The following PTCH1 variants were observed in gnomAD, a reference collection of about 807,000 sequenced individuals.
PTCH1 encodes patched 1, also known as protein patched homolog 1.
A neutral mutation model predicts 144.6 loss-of-function variants in PTCH1; 14 were observed. The ratio of observed to expected loss-of-function variants is 0.10; its 90% CI spans 0.06 to 0.15. PTCH1 has a LOEUF of 0.15. Among genes scored for constraint, PTCH1 ranks in the 10% least tolerant of loss-of-function variants. The pLI is 1.00. For synonymous variants in PTCH1, 833 were observed against 793.6 expected (o/e 1.05, Z -0.83); for missense variants, 1,623 against 1,948.3 (o/e 0.83, Z 3.14).
At chr9:95,483,235 C>G (rs1053161188) in intron 3 of PTCH1, 3 of 151,788 alleles carry the variant, frequency 2.0e-5, no homozygotes, top group African/African-American at 7.3e-5. Flanking sequence ...CCACTGCACT[C>G]CAGCCTAGAT....
rs906063270 is a variant in PTCH1 at position 95,509,171 on chromosome 9, C to T, written c.-810G>A. On this transcript the variant is annotated 5_prime_UTR_variant, in exon 1 of 24. Transcript: ENST00000331920. ...CTGTGTGTGTGCAGCGGGCAGCGGC[C>T]GCAGCAGCTCCTTGATTCAATAGAT... Among the ~76,000 whole-genome samples, 2 of 151,334 alleles carry T rather than the reference C, an allele frequency of 1.3e-5. No individual in the cohort carries two copies. The highest frequency in any genetic ancestry group is 4.9e-5 in the African/African-American group (2 of 41,124).
chr9:95,509,384 ACATGACTATTATTAGCTG>A (rs1295496866), upstream of PTCH1, among the ~76,000 whole-genome samples: 1 of 152,200 alleles, frequency 6.6e-6, no homozygotes, highest in Non-Finnish European at 1.5e-5. Context: ...TACTCAGCAA[ACATGACTATTATTAGCTG>A]CTTAGCAACA....
At chr9:95,470,712 G>A (rs924617961) in intron 12 of PTCH1, among the ~76,000 whole-genome samples, 3 of 152,196 alleles carry the variant, frequency 2.0e-5, no homozygotes, top group Admixed American at 1.3e-4. Flanking sequence ...GGGCACGGCA[G>A]AAGGGGCACC....
intron 16 of PTCH1, chr9:95,460,050 A>C: frequency 2.0e-6 from 1 of 496,340 alleles, no homozygotes; most frequent in South Asian, 2.1e-5. Flanking sequence ...CTGAATGCTA[A>C]AAGACCGTCT....
At chr9:95,493,655 C>T (rs1295318161) in intron 2 of PTCH1, among the ~76,000 whole-genome samples, 5 of 152,210 alleles carry the variant, frequency 3.3e-5, no homozygotes, top group African/African-American at 4.8e-5. Flanking sequence ...ATCTAACAGC[C>T]TCTAGAGAGA....
intron 15 of PTCH1, among the ~76,000 whole-genome samples, chr9:95,463,430 T>TAGGG (rs1172485228): frequency 2.0e-5 from 3 of 152,048 alleles, no homozygotes; most frequent in Non-Finnish European, 4.4e-5. Context: ...CGGGTTTTCA[T>TAGGG]AGGGAGGCAT....
At chr9:95,446,416 G>T (rs1296219158) in intron 23 of PTCH1, 25 bp from the exon 24 acceptor site, 1 of 518,802 alleles carries the variant, frequency 1.9e-6, no homozygotes, top group Non-Finnish European at 3.8e-6. Flanking sequence ...AAAAAAGGAA[G>T]TTGAACAGAG....
chr9:95,506,166 GC>G (rs1843603825), intron 2 of PTCH1: 3 of 224,084 alleles, frequency 1.3e-5, no homozygotes, highest in South Asian at 1.3e-4. Flanking sequence ...CCCCCGTCCC[GC>G]CCCCGCCGCT....
chr9:95,459,526 G>T, intron 17 of PTCH1, 74 bp downstream of exon 17: 3 of 1,543,020 alleles, frequency 1.9e-6, no homozygotes, highest in Non-Finnish European at 2.7e-6. Context: ...ACGGATGAAG[G>T]CTGTTGCTGA....
At chr9:95,459,855 C>G (rs1839309945) in intron 16 of PTCH1, 72 bp from the exon 17 acceptor site, 2 of 1,529,598 alleles carry the variant, frequency 1.3e-6, no homozygotes, top group Admixed American at 3.4e-5. Flanking sequence ...CTTGAGAGCA[C>G]AGAAGCTGAG....
At chr9:95,462,654 G>A (rs1353740240) in intron 15 of PTCH1, among the ~76,000 whole-genome samples, 2 of 152,174 alleles carry the variant, frequency 1.3e-5, no homozygotes, top group Non-Finnish European at 2.9e-5. Flanking sequence ...AAGGGAAGGC[G>A]CTCGTGTGCA....
At chr9:95,460,888 A>G (rs1475478199) in intron 16 of PTCH1, among the ~76,000 whole-genome samples, 1 of 152,092 alleles carries the variant, frequency 6.6e-6, no homozygotes, top group Non-Finnish European at 1.5e-5. Context: ...TCCTTGGGAA[A>G]CGTGATGGTC....
intron 3 of PTCH1, chr9:95,482,635 T>C: frequency 3.7e-6 from 1 of 270,762 alleles, no homozygotes; most frequent in Non-Finnish European, 7.1e-6. Context: ...GATCATGTCC[T>C]TAATAGGTAG....
chr9:95,454,245 A>T (rs1838724786), intron 19 of PTCH1, among the ~76,000 whole-genome samples: 1 of 152,218 alleles, frequency 6.6e-6, no homozygotes, highest in African/African-American at 2.4e-5. Context: ...GTTGATAACT[A>T]AACGGGAACT....
At chr9:95,467,761 G>C (rs1187339854) in intron 14 of PTCH1, among the ~76,000 whole-genome samples, 1 of 151,856 alleles carries the variant, frequency 6.6e-6, no homozygotes, top group Admixed American at 6.6e-5. Context: ...GCACCACCAC[G>C]CCTGGCTATT....
rs779797845 is a variant in PTCH1 at position 95,477,540 on chromosome 9, T to G, written c.1503+7A>C. 18 of 1,614,132 alleles carry G rather than the reference T, an allele frequency of 1.1e-5. No individual in the cohort carries two copies. The highest frequency in any genetic ancestry group is 1.4e-5 in the Non-Finnish European group (17 of 1,180,020). On this transcript the variant is annotated splice_region_variant and intron_variant, in intron 10 of 23. Coordinates refer to ENST00000331920, the MANE Select transcript of PTCH1 (RefSeq NM_000264.5). Reference sequence around the variant, plus strand: ...AACGGACAGCAGATAAATGGCTCCTTTAGTACCTGAGTTGTTGCAGCGTTA... The same window carrying G: ...AACGGACAGCAGATAAATGGCTCCTGTAGTACCTGAGTTGTTGCAGCGTTA...
intron 8 of PTCH1, among the ~76,000 whole-genome samples, chr9:95,478,566 T>C (rs1436292183): frequency 2.6e-5 from 4 of 152,026 alleles, no homozygotes; most frequent in Non-Finnish European, 4.4e-5. Flanking sequence ...CTCCTCCCCC[T>C]GTTCATTTGC....
chr9:95,487,290 T>A (rs1475104826), intron 2 of PTCH1, among the ~76,000 whole-genome samples: 2 of 152,032 alleles, frequency 1.3e-5, no homozygotes, highest in Non-Finnish European at 2.9e-5. Flanking sequence ...GAGGGAGGAA[T>A]ATATCAGTTG....
At chr9:95,465,750 A>C (rs1031861659) in intron 15 of PTCH1, among the ~76,000 whole-genome samples, 3 of 152,260 alleles carry the variant, frequency 2.0e-5, no homozygotes, top group Non-Finnish European at 4.4e-5. Flanking sequence ...AAACAAGCCT[A>C]ATTAAGTGGG....
Sources: gnomAD v4.1 joint callset for allele counts (sites outside exome capture counted in the v4.1 genomes callset) on GRCh38, gnomAD v4.1.1 for gene constraint, MANE v1.5 for transcripts, NCBI Gene and HGNC (gene_info 2026-07-23, HGNC 2026-07-21) for gene names.